PRICKLE1: variants seen among roughly 807,000 people sequenced by gnomAD.
The protein encoded by PRICKLE1 is prickle planar cell polarity protein 1.
In PRICKLE1, 14 loss-of-function variants were observed where a neutral mutation model predicts 70.2. The observed-to-expected ratio is 0.20, with a 90% CI of 0.13 to 0.31. The LOEUF is 0.31. Among genes scored for constraint, PRICKLE1 ranks in the 10% least tolerant of loss-of-function variants. PRICKLE1 has a pLI of 1.00. For synonymous variants in PRICKLE1, 357 were observed against 379.9 expected (o/e 0.94, Z 0.70); for missense variants, 821 against 1,026.2 (o/e 0.80, Z 2.73).
At chr12:42,477,412 A>T (rs1938591287) in intron 1 of PRICKLE1, among the ~76,000 whole-genome samples, 1 of 148,538 alleles carries the variant, frequency 6.7e-6, no homozygotes, top group South Asian at 2.1e-4. Context: ...TACACATATT[A>T]TATATATGTA....
At chr12:42,514,697 A>AT (rs949193775) in intron 1 of PRICKLE1, among the ~76,000 whole-genome samples, 63 of 151,482 alleles carry the variant, frequency 4.2e-4, no homozygotes, top group African/African-American at 9.4e-4. Context: ...TTTAAACCTA[A>AT]TTTTTTTTTA....
chr12:42,467,139 C>CAA (rs1489352271), intron 5 of PRICKLE1, among the ~76,000 whole-genome samples: 1 of 151,708 alleles, frequency 6.6e-6, no homozygotes, highest in Non-Finnish European at 1.5e-5. Context: ...TTTTTTGAGA[C>CAA]AGAGTCTCGC....
Position 42,578,516 on chromosome 12 carries a change from TG to T in PRICKLE1, c.-49+10948del, listed in dbSNP as rs1280362334. Among the ~76,000 whole-genome samples, 3 of 152,242 alleles carry T rather than the reference TG, an allele frequency of 2.0e-5. No homozygotes were observed. The East Asian group carries it at 5.8e-4, about 29-fold the overall frequency. On this transcript the variant is annotated intron_variant, in intron 1 of 7. Coordinates refer to ENST00000345127, the MANE Select transcript of PRICKLE1 (RefSeq NM_153026.3). ...AGATGATTACATTTCCTTGATCACT[TG>T]GGAGTGTGGAAAAGGAAGGAGGGTT... is the stretch of plus-strand genomic sequence containing the variant.
intron 1 of PRICKLE1, among the ~76,000 whole-genome samples, chr12:42,552,926 C>A (rs888164146): frequency 1.3e-5 from 2 of 152,172 alleles, no homozygotes; most frequent in African/African-American, 4.8e-5. Context: ...CCCTCTCCTG[C>A]GCGGTTCACA....
At chr12:42,542,881 A>T (rs1350427062) in intron 1 of PRICKLE1, among the ~76,000 whole-genome samples, 1 of 152,166 alleles carries the variant, frequency 6.6e-6, no homozygotes, top group East Asian at 1.9e-4. Context: ...CCCCAAATTC[A>T]TATGGTGAAA....
chr12:42,514,590 G>T (rs933185740), intron 1 of PRICKLE1, among the ~76,000 whole-genome samples: 6 of 152,152 alleles, frequency 3.9e-5, no homozygotes, highest in African/African-American at 7.2e-5. Context: ...TCCATTATAT[G>T]CTGTCAAAGG....
At chr12:42,514,726 G>A (rs926521779) in intron 1 of PRICKLE1, among the ~76,000 whole-genome samples, 3 of 151,590 alleles carry the variant, frequency 2.0e-5, no homozygotes, top group Non-Finnish European at 2.9e-5. Flanking sequence ...CAAGCACATC[G>A]TTTAAAAACC....
chr12:42,506,931 G>A (rs1939431799), intron 1 of PRICKLE1, among the ~76,000 whole-genome samples: 1 of 151,982 alleles, frequency 6.6e-6, no homozygotes, highest in Non-Finnish European at 1.5e-5. Context: ...GAATATTATG[G>A]TTTCTCTAAA....
At chr12:42,509,998 G>A (rs540483839) in intron 1 of PRICKLE1, among the ~76,000 whole-genome samples, 9 of 151,722 alleles carry the variant, frequency 5.9e-5, no homozygotes, top group South Asian at 4.2e-4. Context: ...GCTTGAACCC[G>A]CAAGGTGGAG....
At position 42,458,471 on chromosome 12, in the gene PRICKLE1, C is replaced by G. The variant is rs1937657977; in HGVS notation, c.*1338G>C. 1 of 152,218 alleles carries G rather than the reference C, an allele frequency of 6.6e-6. No individual in the cohort carries two copies. The highest frequency in any genetic ancestry group is 1.5e-5 in the Non-Finnish European group (1 of 68,044). 9.4% of individuals were successfully genotyped at this position (152,218 alleles called of 1,614,324 possible). On this transcript the variant is annotated 3_prime_UTR_variant, in exon 8 of 8. Transcript: ENST00000345127. Reference sequence around the variant, plus strand: ...AGTGGCACATATCAAAATATCTGCTCATTGGTTCAGATCCAACGTAAGTTT... The same window carrying G: ...AGTGGCACATATCAAAATATCTGCTGATTGGTTCAGATCCAACGTAAGTTT...
intron 1 of PRICKLE1, among the ~76,000 whole-genome samples, chr12:42,511,150 G>A (rs1939506393): frequency 6.6e-6 from 1 of 152,202 alleles, no homozygotes; most frequent in Non-Finnish European, 1.5e-5. Context: ...TGTGCCTGCA[G>A]GGCAGTCAAG....
In PRICKLE1 at chr12:42,460,278, C is replaced by A. The variant is rs377294908; in HGVS notation, c.2027G>T (p.Arg676Leu). Residue 676 changes from arginine to leucine, a missense_variant, in exon 8 of 8, where the codon CGG becomes CTG. Coordinates refer to ENST00000345127, the MANE Select transcript of PRICKLE1 (RefSeq NM_153026.3). ...RGSRSHHHRR[R>L]RSRKSRSDNA... The stretch of plus-strand genomic sequence containing the variant: ...GTCGGAGCGGGACTTTCTACTTCTC[C>A]GGCGGCGGTGGTGATGAGACCTGGA... 3.7e-6 allele frequency: 6 copies of A among 1,614,098 alleles called. No homozygotes were observed. Among genetic ancestry groups the A allele is most frequent in the Non-Finnish European group, 5.1e-6 (6 of 1,180,026 alleles).
chr12:42,567,919 A>G (rs17091361), intron 1 of PRICKLE1, among the ~76,000 whole-genome samples: 39,312 of 151,916 alleles, frequency 0.26, 7,371 homozygotes, highest in African/African-American at 0.54. Context: ...GGGAAAAATA[A>G]CCCTTGAAAA....
Position 42,460,152 on chromosome 12 carries a change from G to A in PRICKLE1, c.2153C>T (p.Ala718Val), listed in dbSNP as rs1474386408. The A allele has an allele frequency of 6.2e-7, 1 of 1,614,070 alleles. No individual in the cohort carries two copies. The change falls in exon 8 of 8, where the codon GCC becomes GTC. Residue 718 changes from alanine to valine, a missense_variant. Coordinates refer to ENST00000345127, the MANE Select transcript of PRICKLE1 (RefSeq NM_153026.3). ...CTGGATGTATGCTTGGATCTCCCGG[G>A]CACTTTTATTCTGTATAAATTTCTC... ...NYEKFIQNKS[A>V]REIQAYIQNA...
intron 1 of PRICKLE1, among the ~76,000 whole-genome samples, chr12:42,567,394 GTA>G (rs1219342931): frequency 2.0e-5 from 3 of 152,196 alleles, no homozygotes; most frequent in Non-Finnish European, 2.9e-5. Flanking sequence ...TATTTCTGGA[GTA>G]TTTCTCAAAT....
intron 1 of PRICKLE1, among the ~76,000 whole-genome samples, chr12:42,530,837 G>C (rs1939900550): frequency 6.7e-6 from 1 of 149,376 alleles, no homozygotes; most frequent in African/African-American, 2.5e-5. Context: ...CAGGTGCCCG[G>C]CACCTGTAAA....
At chr12:42,478,561 T>G (rs1938664644) in intron 1 of PRICKLE1, among the ~76,000 whole-genome samples, 1 of 152,140 alleles carries the variant, frequency 6.6e-6, no homozygotes, top group Non-Finnish European at 1.5e-5. Flanking sequence ...CTGTTAGAAC[T>G]TAATTCTCTA....
intron 7 of PRICKLE1, among the ~76,000 whole-genome samples, chr12:42,461,884 C>A (rs754899988): frequency 6.6e-6 from 1 of 152,038 alleles, no homozygotes; most frequent in Non-Finnish European, 1.5e-5. Context: ...CTGCAAGCTC[C>A]GCCTCCTGGG....
Position 42,460,111 on chromosome 12 carries a change from C to T in PRICKLE1, c.2194G>A (p.Gly732Arg), listed in dbSNP as rs150287042. Reference sequence around the variant, plus strand: ...TCGGAAGTGGCATGGGCGTACTGTCCGTAGAGATCAGCATTCTGGATGTAT... The same window carrying T: ...TCGGAAGTGGCATGGGCGTACTGTCTGTAGAGATCAGCATTCTGGATGTAT... ...QAYIQNADLY[G>R]QYAHATSDYG... Residue 732 changes from glycine (G) to arginine (R), a missense_variant, in exon 8 of 8, where the codon GGA becomes AGA. Physicochemically the swap from Gly to Arg is moderately radical, Grantham distance 125. Transcript: ENST00000345127. The T allele has an allele frequency of 1.1e-4, 174 of 1,614,038 alleles. No individual in the cohort carries two copies. In the East Asian group the frequency reaches 3.6e-3, roughly 33 times the overall value.
Sources: allele counts gnomAD v4.1 joint callset (sites outside exome capture counted in the v4.1 genomes callset), GRCh38; gene constraint gnomAD v4.1.1; transcripts MANE v1.5; gene names NCBI Gene and HGNC (gene_info 2026-07-23, HGNC 2026-07-21).